CDH19: variants seen among roughly 807,000 people sequenced by gnomAD.
CDH19 encodes cadherin 19.
CDH19 carries 67 observed loss-of-function variants against 64.2 expected under a neutral mutation model. The observed-to-expected ratio is 1.04, with a 90% confidence interval of 0.86 to 1.28. The LOEUF (loss-of-function observed/expected upper bound fraction) is 1.28, where lower values mean the gene tolerates loss of function less well. CDH19 is among the 50% of genes most tolerant of loss of function. CDH19 has a pLI of 0.00. For synonymous variants in CDH19, 346 were observed against 319.3 expected (o/e 1.08, Z -0.89); for missense variants, 1,030 against 929.0 (o/e 1.11, Z -1.41).
intron 10 of CDH19, among the ~76,000 whole-genome samples, chr18:66,510,397 T>A (rs564663586): frequency 6.7e-6 from 1 of 149,996 alleles, no homozygotes; most frequent in East Asian, 1.9e-4. Context: ...TTATTTCACC[T>A]CAGTAATTTA....
At chr18:66,560,881 A>G (rs1987696183) in intron 3 of CDH19, among the ~76,000 whole-genome samples, 1 of 152,076 alleles carries the variant, frequency 6.6e-6, no homozygotes, top group African/African-American at 2.4e-5. Context: ...CCATTGGTGG[A>G]TCAAAAATTA....
chr18:66,530,103 T>G (rs924816382), intron 8 of CDH19, 137 bp from the exon 9 acceptor site: 1 of 384,120 alleles, frequency 2.6e-6, no homozygotes. Context: ...ACAGGATATC[T>G]ATATGATTCA....
At chr18:66,529,233 G>GTGT (rs1986339377) in intron 9 of CDH19, among the ~76,000 whole-genome samples, 1 of 151,244 alleles carries the variant, frequency 6.6e-6, no homozygotes. Context: ...TGCTATACCT[G>GTGT]GTATAGCAAT....
At chr18:66,584,303 C>T (rs771079877) in intron 1 of CDH19, among the ~76,000 whole-genome samples, 15 of 152,048 alleles carry the variant, frequency 9.9e-5, no homozygotes, top group Non-Finnish European at 2.1e-4. Flanking sequence ...TACCATCTTA[C>T]ACCACTCTGA....
intron 1 of CDH19, among the ~76,000 whole-genome samples, chr18:66,593,352 T>G (rs1254488973): frequency 6.6e-6 from 1 of 152,010 alleles, no homozygotes; most frequent in African/African-American, 2.4e-5. Flanking sequence ...AATTGATATC[T>G]AAAATGTTCT....
chr18:66,516,532 C>T (rs927649800), intron 9 of CDH19, among the ~76,000 whole-genome samples: 1 of 151,844 alleles, frequency 6.6e-6, no homozygotes, highest in African/African-American at 2.4e-5. Flanking sequence ...ATGCTGAGCT[C>T]CAGAAGATGT....
intron 5 of CDH19, among the ~76,000 whole-genome samples, chr18:66,545,193 T>C (rs1987062541): frequency 6.6e-6 from 1 of 152,012 alleles, no homozygotes; most frequent in African/African-American, 2.4e-5. Flanking sequence ...TTAGCTAGGA[T>C]GGTCTCGATC....
At chr18:66,585,514 C>G (rs1823326744) in intron 1 of CDH19, among the ~76,000 whole-genome samples, 1 of 152,010 alleles carries the variant, frequency 6.6e-6, no homozygotes, top group African/African-American at 2.4e-5. Context: ...AATTATTATG[C>G]CTCTCAAGGT....
chr18:66,548,919 C>T (rs1987239800), intron 5 of CDH19, among the ~76,000 whole-genome samples: 1 of 152,056 alleles, frequency 6.6e-6, no homozygotes, highest in Admixed American at 6.5e-5. Flanking sequence ...TAGATATGAA[C>T]CAGCAGAGGA....
At chr18:66,519,076 T>G (rs1985867576) in intron 9 of CDH19, among the ~76,000 whole-genome samples, 1 of 152,144 alleles carries the variant, frequency 6.6e-6, no homozygotes, top group South Asian at 2.1e-4. Context: ...TTAACTTTTG[T>G]TTTTTACTTT....
At chr18:66,548,396 CGT>C (rs1987217351) in intron 5 of CDH19, among the ~76,000 whole-genome samples, 2 of 151,050 alleles carry the variant, frequency 1.3e-5, no homozygotes, top group Non-Finnish European at 2.9e-5. Context: ...TGTAAAGCCA[CGT>C]GTCTGGATAA....
At chr18:66,514,728 A>G (rs1055120409) in intron 9 of CDH19, among the ~76,000 whole-genome samples, 1 of 151,568 alleles carries the variant, frequency 6.6e-6, no homozygotes, top group Non-Finnish European at 1.5e-5. Context: ...ATTATGCACT[A>G]TGTCTTTTTT....
chr18:66,536,408 CA>C (rs1402486719), intron 7 of CDH19, among the ~76,000 whole-genome samples: 1 of 151,674 alleles, frequency 6.6e-6, no homozygotes, highest in East Asian at 1.9e-4. Context: ...TAAATATCCC[CA>C]AGTGGTTGCC....
Position 66,531,685 on chromosome 18 carries a change from G to A in CDH19, c.1337-1719C>T, listed in dbSNP as rs116221092. ...ACTGGATGACTTGAGTTTGAATCTT[G>A]TTTCTCAATTTGAGAAAAATACTTA... On this transcript the variant is annotated intron_variant, in intron 8 of 11. Coordinates refer to ENST00000262150, the MANE Select transcript of CDH19 (RefSeq NM_021153.4). Among the ~76,000 whole-genome samples, 629 of 152,168 alleles carry A rather than the reference G, an allele frequency of 4.1e-3. 4 individuals carry two copies. Among genetic ancestry groups the A allele is most frequent in the African/African-American group, 0.014 (602 of 41,522 alleles).
At chr18:66,535,129 C>T (rs756968698) in intron 7 of CDH19, 22 bp from the exon 8 acceptor site, 6 of 1,385,830 alleles carry the variant, frequency 4.3e-6, no homozygotes, top group South Asian at 1.6e-5. Flanking sequence ...GGAAAGTATA[C>T]CTTAATATTT....
chr18:66,515,534 T>C (rs746101774), intron 9 of CDH19, among the ~76,000 whole-genome samples: 6 of 151,822 alleles, frequency 4.0e-5, no homozygotes, highest in Non-Finnish European at 5.9e-5. Context: ...AAGGTCATTA[T>C]AGCATAATAT....
At chr18:66,554,734 C>A (rs568405397) in intron 3 of CDH19, among the ~76,000 whole-genome samples, 1 of 151,552 alleles carries the variant, frequency 6.6e-6, no homozygotes, top group Non-Finnish European at 1.5e-5. Context: ...ACAAAATATT[C>A]CTAATTCCTG....
chr18:66,577,264 T>C (rs981340713), intron 1 of CDH19, among the ~76,000 whole-genome samples: 15 of 152,020 alleles, frequency 9.9e-5, no homozygotes, highest in African/African-American at 3.6e-4. Context: ...TGCAAAAGCA[T>C]GGGGCTTAGA....
Position 66,544,703 on chromosome 18 carries a change from A to G in CDH19, c.960+16T>C. ...TTTGCGCTATTCTGCAAGGCAAATA[A>G]TTTTAACATGTCTACCTTTTTTAAT... On this transcript the variant is annotated intron_variant, in intron 6 of 11. Transcript: ENST00000262150. 2 of 1,562,780 alleles carry G rather than the reference A, an allele frequency of 1.3e-6. No individual in the cohort carries two copies. The highest frequency in any genetic ancestry group is 1.7e-6 in the Non-Finnish European group (2 of 1,145,336).
Sources: allele counts gnomAD v4.1 joint callset (sites outside exome capture counted in the v4.1 genomes callset), GRCh38; gene constraint gnomAD v4.1.1; transcripts MANE v1.5; gene names NCBI Gene and HGNC (gene_info 2026-07-23, HGNC 2026-07-21).